Variants in ADAMTS12 observed in about 807,000 individuals in gnomAD.
ADAMTS12 encodes A disintegrin and metalloproteinase with thrombospondin motifs 12.
A neutral mutation model predicts 167.8 loss-of-function variants in ADAMTS12; 118 were observed. The observed-to-expected ratio is 0.70, with a 90% CI of 0.61 to 0.82. ADAMTS12 has a LOEUF of 0.82. Ranked by LOEUF, ADAMTS12 falls within the 40% of genes least tolerant of loss-of-function variation. ADAMTS12 has a pLI of 0.00. For synonymous variants in ADAMTS12, 704 were observed against 716.9 expected, an observed-to-expected ratio of 0.98 and a Z score of 0.29; for missense variants, 1,916 against 1,998.8, an observed-to-expected ratio of 0.96 and a Z score of 0.79.
intron 3 of ADAMTS12, among the ~76,000 whole-genome samples, chr5:33,713,575 A>G (rs1235439662): frequency 1.3e-5 from 2 of 152,222 alleles, no homozygotes; most frequent in Middle Eastern, 3.4e-3. Flanking sequence ...TTATTTCACA[A>G]AACAACTAAT....
chr5:33,758,180 C>T (rs372800802), intron 2 of ADAMTS12, among the ~76,000 whole-genome samples: 58 of 152,188 alleles, frequency 3.8e-4, no homozygotes, highest in Middle Eastern at 3.4e-3. Flanking sequence ...TATGCTACTA[C>T]GATATTAGCT....
At chr5:33,535,014 G>C (rs1251773875) in intron 22 of ADAMTS12, 22 bp from the exon 23 acceptor site, 1 of 1,579,138 alleles carries the variant, frequency 6.3e-7, no homozygotes, top group Non-Finnish European at 8.6e-7. Flanking sequence ...GGTGAACAGA[G>C]AGTCAGAAGT....
chr5:33,885,401 C>T (rs1750600019), intron 1 of ADAMTS12, among the ~76,000 whole-genome samples: 1 of 151,772 alleles, frequency 6.6e-6, no homozygotes, highest in Admixed American at 6.6e-5. Context: ...TCCGGGAGGC[C>T]GAGTTTACGG....
chr5:33,665,996 A>G lies in ADAMTS12; in HGVS notation c.916-3956T>C, dbSNP rs189360488. Among the ~76,000 whole-genome samples, 6 of 152,362 alleles carry G rather than the reference A, an allele frequency of 3.9e-5. No homozygotes were observed. The East Asian group carries it at 9.6e-4, about 24-fold the overall frequency. ...ACTTTACTTCATCCTCTCCATTTAC[A>G]TAGGGCGTATCCCAAGTAACCAACG... On this transcript the variant is annotated intron_variant, in intron 5 of 23. Coordinates refer to ENST00000504830, the MANE Select transcript of ADAMTS12 (RefSeq NM_030955.4).
chr5:33,694,910 G>A (rs1322460508), intron 3 of ADAMTS12, among the ~76,000 whole-genome samples: 2 of 152,170 alleles, frequency 1.3e-5, no homozygotes. Flanking sequence ...CTACTAGAAA[G>A]TTGAAAATTA....
At chr5:33,542,573 C>T (rs1270948907) in intron 22 of ADAMTS12, among the ~76,000 whole-genome samples, 1 of 152,228 alleles carries the variant, frequency 6.6e-6, no homozygotes, top group Non-Finnish European at 1.5e-5. Flanking sequence ...CTTCTCAGCA[C>T]CACATCACAC....
At chr5:33,568,424 T>A (rs892141754) in intron 19 of ADAMTS12, among the ~76,000 whole-genome samples, 5 of 152,236 alleles carry the variant, frequency 3.3e-5, no homozygotes, top group Admixed American at 3.3e-4. Context: ...ATGATGTTGA[T>A]TACTTTATAT....
chr5:33,582,386 T>G (rs1331733963), intron 18 of ADAMTS12, among the ~76,000 whole-genome samples: 1 of 152,216 alleles, frequency 6.6e-6, no homozygotes, highest in African/African-American at 2.4e-5. Context: ...TGCCTGGGAC[T>G]GGGGAATCCA....
chr5:33,598,264 A>G (rs1247099686), intron 16 of ADAMTS12, among the ~76,000 whole-genome samples: 1 of 152,194 alleles, frequency 6.6e-6, no homozygotes, highest in East Asian at 1.9e-4. Context: ...CAATCTTCCA[A>G]TGAGGGCCCC....
intron 9 of ADAMTS12, among the ~76,000 whole-genome samples, chr5:33,645,690 T>C (rs1268426190): frequency 6.6e-6 from 1 of 152,204 alleles, no homozygotes; most frequent in African/African-American, 2.4e-5. Context: ...TTCAATTTTT[T>C]GGAGTTTATA....
At chr5:33,544,770 C>T (rs1744883743) in intron 22 of ADAMTS12, among the ~76,000 whole-genome samples, 1 of 152,160 alleles carries the variant, frequency 6.6e-6, no homozygotes, top group African/African-American at 2.4e-5. Flanking sequence ...GAAAGGATTC[C>T]CTATTTAATA....
intron 2 of ADAMTS12, among the ~76,000 whole-genome samples, chr5:33,787,393 T>C (rs1427997741): frequency 1.3e-5 from 2 of 152,232 alleles, no homozygotes; most frequent in African/African-American, 2.4e-5. Context: ...GTCAAAAACA[T>C]TCCTAAATCT....
intron 18 of ADAMTS12, among the ~76,000 whole-genome samples, chr5:33,579,720 A>T (rs141154571): frequency 2.4e-3 from 369 of 152,366 alleles, no homozygotes; most frequent in Non-Finnish European, 4.8e-3. Context: ...AAACAGAGAC[A>T]GCAGCACCTA....
intron 9 of ADAMTS12, among the ~76,000 whole-genome samples, chr5:33,646,938 T>C (rs1391835062): frequency 6.6e-6 from 1 of 151,906 alleles, no homozygotes; most frequent in African/African-American, 2.4e-5. Flanking sequence ...AATAAAAATA[T>C]GATAAATGAG....
At chr5:33,743,637 G>C (rs995383276) in intron 3 of ADAMTS12, among the ~76,000 whole-genome samples, 5 of 152,160 alleles carry the variant, frequency 3.3e-5, no homozygotes, top group Non-Finnish European at 7.3e-5. Flanking sequence ...GTGTGAGTGT[G>C]GGAGCTCGCT....
chr5:33,866,891 T>C (rs1259990451), intron 2 of ADAMTS12, among the ~76,000 whole-genome samples: 2 of 151,946 alleles, frequency 1.3e-5, no homozygotes, highest in Non-Finnish European at 2.9e-5. Context: ...TACAATGAGA[T>C]ACTATTTTAC....
intron 14 of ADAMTS12, among the ~76,000 whole-genome samples, chr5:33,619,687 A>ATATT (rs1375686002): frequency 1.3e-5 from 2 of 149,726 alleles, no homozygotes; most frequent in Non-Finnish European, 2.9e-5. Context: ...ATGTATGTAT[A>ATATT]TATTTATTTA....
chr5:33,586,877 A>G (rs894749721), intron 18 of ADAMTS12, among the ~76,000 whole-genome samples: 4 of 152,214 alleles, frequency 2.6e-5, no homozygotes, highest in Non-Finnish European at 5.9e-5. Context: ...TGATGTGTGT[A>G]CATACATCTG....
At chr5:33,677,717 T>C (rs974043286) in intron 5 of ADAMTS12, among the ~76,000 whole-genome samples, 1 of 152,198 alleles carries the variant, frequency 6.6e-6, no homozygotes, top group African/African-American at 2.4e-5. Context: ...GGCTCCCATC[T>C]GAACTCACTG....
Sources: gnomAD v4.1 joint callset for allele counts (sites outside exome capture counted in the v4.1 genomes callset) on GRCh38, gnomAD v4.1.1 for gene constraint, MANE v1.5 for transcripts, NCBI Gene and HGNC (gene_info 2026-07-23, HGNC 2026-07-21) for gene names.